PKP1: variants seen among roughly 807,000 people sequenced by gnomAD.
PKP1 encodes plakophilin 1.
In PKP1, 27 loss-of-function variants were observed where a neutral mutation model predicts 76.4. That is an observed-to-expected ratio of 0.35 (90% CI 0.26 to 0.49). PKP1 has a LOEUF of 0.49. Ranked by LOEUF, PKP1 falls within the 20% of genes least tolerant of loss-of-function variation. PKP1 has a pLI of 0.99. For synonymous variants in PKP1, 404 were observed against 384.2 expected, an observed-to-expected ratio of 1.05 and a Z score of -0.60; for missense variants, 964 against 955.2, an observed-to-expected ratio of 1.01 and a Z score of -0.12.
chr1:201,325,636 G>A (rs977838814), intron 11 of PKP1, 118 bp from the exon 12 acceptor site: 1 of 785,760 alleles, frequency 1.3e-6, no homozygotes, highest in Non-Finnish European at 2.2e-6. Context: ...CACACCTGAG[G>A]CCTCCTCTGA....
At chr1:201,305,314 T>C (rs1208004515) in intron 2 of PKP1, among the ~76,000 whole-genome samples, 1 of 152,164 alleles carries the variant, frequency 6.6e-6, no homozygotes, top group East Asian at 1.9e-4. Flanking sequence ...GGCCAGAAGT[T>C]TGAGACCAGC....
chr1:201,326,719 G>A (rs2102187863), intron 12 of PKP1, among the ~76,000 whole-genome samples: 1 of 152,350 alleles, frequency 6.6e-6, no homozygotes, highest in East Asian at 1.9e-4. Context: ...CTGGCAGAGG[G>A]GCCAGAGCTA....
At chr1:201,291,578 A>G (rs1164098622) in intron 1 of PKP1, among the ~76,000 whole-genome samples, 3 of 152,170 alleles carry the variant, frequency 2.0e-5, no homozygotes, top group African/African-American at 2.4e-5. Flanking sequence ...GACGGGCAAG[A>G]AGGCCCTGGT....
intron 2 of PKP1, among the ~76,000 whole-genome samples, chr1:201,309,335 G>A (rs1656464974): frequency 6.6e-6 from 1 of 151,992 alleles, no homozygotes; most frequent in African/African-American, 2.4e-5. Flanking sequence ...GACTGGCTGG[G>A]GGGCTCCTAG....
intron 1 of PKP1, among the ~76,000 whole-genome samples, chr1:201,288,404 T>C (rs1655800471): frequency 6.6e-6 from 1 of 152,210 alleles, no homozygotes; most frequent in African/African-American, 2.4e-5. Flanking sequence ...TGGCTACATA[T>C]TGGAATCACC....
intron 2 of PKP1, among the ~76,000 whole-genome samples, chr1:201,306,437 C>G (rs554262182): frequency 6.6e-6 from 1 of 152,320 alleles, no homozygotes; most frequent in East Asian, 1.9e-4. Context: ...CTTCTTTATC[C>G]CAGAATTGTG....
rs1656614501 is a variant in PKP1 at position 201,313,198 on chromosome 1, C to T, written c.339C>T (p.Asp113=). The T allele has an allele frequency of 8.1e-6, 13 of 1,607,832 alleles. No individual in the cohort carries two copies. The highest frequency in any genetic ancestry group is 1.0e-5 in the Non-Finnish European group (12 of 1,177,566). The change falls in exon 3 of 14, where the codon GAC becomes GAT. Residue 113 remains aspartate (D), a synonymous_variant. Coordinates refer to ENST00000367324, the MANE Select transcript of PKP1 (RefSeq NM_001005337.3). ...IYNGTLKREP[D]NRRFSSYSQM... ...ATGGAACCCTCAAGCGGGAGCCTGA[C>T]AACAGGCGCTTCAGCTCCTACAGCC...
intron 12 of PKP1, 198 bp from the exon 13 acceptor site, chr1:201,328,564 A>G (rs1657216832): frequency 6.3e-6 from 4 of 638,378 alleles, no homozygotes; most frequent in Non-Finnish European, 1.2e-5. Context: ...GTTCAAACAC[A>G]TTGCACCGAC....
chr1:201,290,485 C>G (rs952991072), intron 1 of PKP1, among the ~76,000 whole-genome samples: 6 of 152,124 alleles, frequency 3.9e-5, no homozygotes, highest in African/African-American at 1.4e-4. Flanking sequence ...TAGCCCCTCC[C>G]CCATTCCCCA....
At chr1:201,286,903 A>G (rs979526510) in intron 1 of PKP1, among the ~76,000 whole-genome samples, 2 of 152,166 alleles carry the variant, frequency 1.3e-5, no homozygotes, top group African/African-American at 4.8e-5. Flanking sequence ...CCAGATCTTT[A>G]TAACTTCACT....
Position 201,316,761 on chromosome 1 carries a change from T to G in PKP1, c.846+64T>G, listed in dbSNP as rs1204970305. 3.8e-6 allele frequency: 6 copies of G among 1,589,666 alleles called. No individual in the cohort carries two copies. In the Admixed American group the frequency reaches 1.0e-4, roughly 27 times the overall value. On this transcript the variant is annotated intron_variant, in intron 4 of 13. Transcript: ENST00000367324. ...GAGGGCCTGGGTGTGTCAGCCTGAC[T>G]CCGCTTTTAGAGATGGGTGAGGGCA...
chr1:201,292,507 C>A (rs1655947425), intron 1 of PKP1, among the ~76,000 whole-genome samples: 1 of 152,190 alleles, frequency 6.6e-6, no homozygotes, highest in Non-Finnish European at 1.5e-5. Flanking sequence ...GGGTGGTGAC[C>A]TGGCGCTGGA....
intron 2 of PKP1, among the ~76,000 whole-genome samples, chr1:201,305,388 G>A (rs1026888959): frequency 3.3e-5 from 5 of 152,200 alleles, no homozygotes; most frequent in African/African-American, 1.2e-4. Context: ...ATGGTGGTGT[G>A]CACCTGTGGT....
intron 2 of PKP1, among the ~76,000 whole-genome samples, chr1:201,312,223 C>G (rs998058866): frequency 6.6e-6 from 1 of 152,194 alleles, no homozygotes; most frequent in Non-Finnish European, 1.5e-5. Flanking sequence ...GACCTGTTAC[C>G]CTTTGCTTCT....
At chr1:201,296,426 A>G (rs1656071286) in intron 2 of PKP1, among the ~76,000 whole-genome samples, 1 of 152,212 alleles carries the variant, frequency 6.6e-6, no homozygotes, top group Non-Finnish European at 1.5e-5. Flanking sequence ...GGTGAAACCA[A>G]TATGGCAGCA....
chr1:201,283,587 C>A lies in PKP1; in HGVS notation c.-116C>A. 4 of 910,378 alleles carry A rather than the reference C, an allele frequency of 4.4e-6. No homozygotes were observed. The highest frequency in any genetic ancestry group is 5.2e-6 in the Non-Finnish European group (3 of 573,308). The allele number at this position is 910,378 out of a possible 1,614,324, so 56.4% of individuals were successfully genotyped here. On this transcript the variant is annotated 5_prime_UTR_variant, in exon 1 of 14. Coordinates refer to ENST00000367324, the MANE Select transcript of PKP1 (RefSeq NM_001005337.3). ...TCACGCGGACCACGCACTCTATGGC[C>A]GTAGGGAGCCGCTGAGAGCGAGAAG...
At chr1:201,313,078 G>T in intron 2 of PKP1, 88 bp from the exon 3 acceptor site, 2 of 1,334,266 alleles carry the variant, frequency 1.5e-6, no homozygotes, top group South Asian at 1.3e-5. Context: ...TATTATGGGG[G>T]CTGGGGAGGG....
intron 4 of PKP1, among the ~76,000 whole-genome samples, chr1:201,317,175 G>C (rs1342757400): frequency 1.3e-5 from 2 of 152,162 alleles, no homozygotes. Flanking sequence ...TCAAAAATGA[G>C]TTTCCCAGAG....
intron 6 of PKP1, chr1:201,319,736 G>C (rs899369163): frequency 1.4e-6 from 2 of 1,406,906 alleles, no homozygotes; most frequent in Non-Finnish European, 2.0e-6. Context: ...TGGGTGGAGA[G>C]GGAGCTTCTG....
Sources: gnomAD v4.1 joint callset for allele counts (sites outside exome capture counted in the v4.1 genomes callset) on GRCh38, gnomAD v4.1.1 for gene constraint, MANE v1.5 for transcripts, NCBI Gene and HGNC (gene_info 2026-07-23, HGNC 2026-07-21) for gene names.